Variants in CNTNAP2 observed in about 807,000 individuals in gnomAD.
CNTNAP2 encodes the protein contactin associated protein 2.
CNTNAP2 carries 98 observed loss-of-function variants against 155.2 expected under a neutral mutation model. The observed-to-expected ratio is 0.63, with a 90% CI of 0.54 to 0.75. The LOEUF (loss-of-function observed/expected upper bound fraction) is 0.75. Among genes scored for constraint, CNTNAP2 ranks in the 30% least tolerant of loss-of-function variants. The pLI is 0.00. For missense variants in CNTNAP2, 1,727 were observed against 1,688.1 expected, an observed-to-expected ratio of 1.02 and a Z score of -0.40; for synonymous variants, 651 against 631.2, an observed-to-expected ratio of 1.03 and a Z score of -0.47.
rs1379935295 is a variant in CNTNAP2, at chr7:148,053,340, CTG to C, written c.2384-64776_2384-64775del. 1.1e-4 allele frequency among the ~76,000 whole-genome samples: 16 copies of C among 152,240 alleles called. 1 individual carries two copies. The East Asian group carries it at 2.9e-3, about 28-fold the overall frequency. Reference sequence around the variant, plus strand: ...TATACTTTTAAAATGTGGATCTTAACTGTTTTCCTTTAATCTGCTATCTTACC... The same window carrying C: ...TATACTTTTAAAATGTGGATCTTAACTTTTCCTTTAATCTGCTATCTTACC... On this transcript the variant is annotated intron_variant, in intron 15 of 23. Coordinates refer to ENST00000361727, the MANE Select transcript of CNTNAP2 (RefSeq NM_014141.6).
At chr7:147,300,356 G>C in intron 9 of CNTNAP2, 66 bp downstream of exon 9, 1 of 1,571,234 alleles carries the variant, frequency 6.4e-7, no homozygotes. Flanking sequence ...AATGAAGTTT[G>C]ATTATGAAGT....
intron 8 of CNTNAP2, among the ~76,000 whole-genome samples, chr7:147,160,578 G>A (rs181446224): frequency 6.6e-6 from 1 of 151,940 alleles, no homozygotes; most frequent in Non-Finnish European, 1.5e-5. Context: ...GCCCATTATA[G>A]GAAATTTAGA....
intron 1 of CNTNAP2, among the ~76,000 whole-genome samples, chr7:146,744,142 C>T (rs919004147): frequency 6.2e-5 from 9 of 144,138 alleles, no homozygotes; most frequent in Admixed American, 2.2e-4. Context: ...GCAGGAGAAT[C>T]GCTGGAACCT....
chr7:146,941,172 T>C (rs1318965265), intron 3 of CNTNAP2, among the ~76,000 whole-genome samples: 3 of 152,168 alleles, frequency 2.0e-5, no homozygotes, highest in Non-Finnish European at 4.4e-5. Context: ...CCAGTTGTTT[T>C]GAAGATTCTT....
intron 8 of CNTNAP2, among the ~76,000 whole-genome samples, chr7:147,212,823 A>G (rs1473369560): frequency 1.3e-5 from 2 of 152,210 alleles, no homozygotes; most frequent in African/African-American, 4.8e-5. Flanking sequence ...TAGTTTAAAT[A>G]TTAACAGTTC....
At chr7:147,432,621 G>A (rs1365766323) in intron 10 of CNTNAP2, among the ~76,000 whole-genome samples, 1 of 152,166 alleles carries the variant, frequency 6.6e-6, no homozygotes, top group Non-Finnish European at 1.5e-5. Context: ...CTTGCTGATA[G>A]TTCCAGCATA....
intron 1 of CNTNAP2, among the ~76,000 whole-genome samples, chr7:146,367,497 G>A (rs2129102095): frequency 1.3e-5 from 2 of 152,222 alleles, no homozygotes; most frequent in Middle Eastern, 6.8e-3. Context: ...AAGACAGATT[G>A]AAAGGAAATT....
chr7:147,125,810 T>C (rs1801220565), intron 6 of CNTNAP2, among the ~76,000 whole-genome samples: 1 of 152,064 alleles, frequency 6.6e-6, no homozygotes, highest in Non-Finnish European at 1.5e-5. Context: ...CAACAGGAAG[T>C]AATAGAAAAA....
intron 1 of CNTNAP2, among the ~76,000 whole-genome samples, chr7:146,177,626 C>T (rs936956145): frequency 2.0e-5 from 3 of 152,218 alleles, no homozygotes; most frequent in African/African-American, 7.2e-5. Flanking sequence ...TTTCTCTTCA[C>T]ATGTCAAGCT....
In CNTNAP2 at chr7:146,438,284, CTTT is replaced by C. The variant is rs10585690; in HGVS notation, c.97+321322_97+321324del. On this transcript the variant is annotated intron_variant, in intron 1 of 23. Coordinates refer to ENST00000361727, the MANE Select transcript of CNTNAP2 (RefSeq NM_014141.6). ...TCCTACAGTTATTTATCCATAGAAGCTTTTTTTTTTTTTAAAGAGTCTATTCAT... is the reference window on the plus strand; with the variant it reads ...TCCTACAGTTATTTATCCATAGAAGCTTTTTTTTTTAAAGAGTCTATTCAT... Among the ~76,000 whole-genome samples the C allele has an allele frequency of 2.3e-3, 343 of 146,136 alleles. 15 individuals are homozygous for C. In the Middle Eastern group the frequency reaches 0.036, roughly 15 times the overall value.
chr7:147,766,373 A>G (rs1485184756), intron 13 of CNTNAP2, among the ~76,000 whole-genome samples: 6 of 152,198 alleles, frequency 3.9e-5, no homozygotes, highest in African/African-American at 1.4e-4. Flanking sequence ...AAAACTCATT[A>G]CATAATTTTT....
At chr7:147,861,793 A>T (rs973653475) in intron 13 of CNTNAP2, among the ~76,000 whole-genome samples, 1 of 152,058 alleles carries the variant, frequency 6.6e-6, no homozygotes, top group African/African-American at 2.4e-5. Flanking sequence ...AGGCATGAGG[A>T]TCGCTTGAGG....
At chr7:147,282,223 C>T (rs1055511813) in intron 8 of CNTNAP2, among the ~76,000 whole-genome samples, 2 of 151,894 alleles carry the variant, frequency 1.3e-5, no homozygotes, top group Non-Finnish European at 2.9e-5. Flanking sequence ...AGGGGACACT[C>T]TAATTTAGCT....
At chr7:146,713,039 T>C (rs554012651) in intron 1 of CNTNAP2, among the ~76,000 whole-genome samples, 7 of 152,172 alleles carry the variant, frequency 4.6e-5, no homozygotes, top group African/African-American at 1.7e-4. Context: ...TTCACTCCCC[T>C]CTCTGAATTA....
intron 13 of CNTNAP2, among the ~76,000 whole-genome samples, chr7:147,744,504 G>A (rs1411341599): frequency 6.6e-6 from 1 of 152,102 alleles, no homozygotes; most frequent in African/African-American, 2.4e-5. Context: ...TGAACTAATT[G>A]TTCAGGACGT....
chr7:146,613,057 T>A (rs926431341), intron 1 of CNTNAP2, among the ~76,000 whole-genome samples: 8 of 152,050 alleles, frequency 5.3e-5, no homozygotes, highest in Non-Finnish European at 8.8e-5. Flanking sequence ...TGTAGCAAGC[T>A]AATTGTCTTC....
chr7:147,356,237 C>G (rs1196010460), intron 9 of CNTNAP2, among the ~76,000 whole-genome samples: 5 of 152,226 alleles, frequency 3.3e-5, no homozygotes, highest in Admixed American at 2.0e-4. Flanking sequence ...ATTCAACACC[C>G]CTTCATGCTG....
intron 9 of CNTNAP2, among the ~76,000 whole-genome samples, chr7:147,367,458 A>G (rs1188217879): frequency 6.6e-6 from 1 of 152,086 alleles, no homozygotes; most frequent in Admixed American, 6.5e-5. Flanking sequence ...AAAAGTTCTA[A>G]TTGATTCTGC....
chr7:147,382,052 A>T (rs967041502), intron 9 of CNTNAP2, among the ~76,000 whole-genome samples: 2 of 152,130 alleles, frequency 1.3e-5, no homozygotes, highest in African/African-American at 4.8e-5. Flanking sequence ...TAAATCAATT[A>T]ATCTAATAAA....
Sources: gnomAD v4.1 joint callset for allele counts (sites outside exome capture counted in the v4.1 genomes callset) on GRCh38, gnomAD v4.1.1 for gene constraint, MANE v1.5 for transcripts, NCBI Gene and HGNC (gene_info 2026-07-23, HGNC 2026-07-21) for gene names.